The following SLC35F2 variants were observed in gnomAD, a reference collection of about 807,000 sequenced individuals.
The protein encoded by SLC35F2 is solute carrier family 35 member F2, also known as queuine/queuosine transporter SLC35F2.
A neutral mutation model predicts 38.1 loss-of-function variants in SLC35F2; 25 were observed. The observed-to-expected ratio is 0.66, with a 90% CI of 0.48 to 0.92. The LOEUF (loss-of-function observed/expected upper bound fraction) is 0.92, where lower values mean the gene tolerates loss of function less well. SLC35F2 is among the 40% of genes least tolerant of loss of function. SLC35F2 has a pLI of 0.00. For synonymous variants in SLC35F2, 173 were observed against 181.7 expected, an observed-to-expected ratio of 0.95 and a Z score of 0.38; for missense variants, 409 against 452.9, an observed-to-expected ratio of 0.90 and a Z score of 0.88.
intron 1 of SLC35F2, chr11:107,816,400 G>C: frequency 2.1e-6 from 1 of 479,346 alleles, no homozygotes; most frequent in Non-Finnish European, 2.7e-6. Flanking sequence ...TCCCACTTCA[G>C]CCTCCAAATA....
intron 1 of SLC35F2, among the ~76,000 whole-genome samples, chr11:107,840,288 T>G (rs779671704): frequency 6.6e-6 from 1 of 152,112 alleles, no homozygotes; most frequent in Non-Finnish European, 1.5e-5. Flanking sequence ...CAAGTCTGGA[T>G]TGCAAGAGAG....
chr11:107,800,852 G>C (rs1259002316), intron 7 of SLC35F2, among the ~76,000 whole-genome samples: 2 of 151,506 alleles, frequency 1.3e-5, no homozygotes, highest in African/African-American at 4.9e-5. Flanking sequence ...CAAAATCCTT[G>C]AGGGGACCTA....
At chr11:107,812,251 A>G (rs1457494919) in intron 2 of SLC35F2, among the ~76,000 whole-genome samples, 1 of 152,068 alleles carries the variant, frequency 6.6e-6, no homozygotes, top group African/African-American at 2.4e-5. Context: ...CATTCTTCAT[A>G]ACCCAAACTC....
At chr11:107,841,789 T>C (rs1472563259) in intron 1 of SLC35F2, among the ~76,000 whole-genome samples, 1 of 152,010 alleles carries the variant, frequency 6.6e-6, no homozygotes, top group Non-Finnish European at 1.5e-5. Flanking sequence ...CTAGCCAACA[T>C]GGCAAAACCC....
chr11:107,806,632 GTAAA>G, intron 4 of SLC35F2, 81 bp downstream of exon 4: 1 of 1,295,450 alleles, frequency 7.7e-7, no homozygotes, highest in Non-Finnish European at 1.1e-6. Flanking sequence ...AAATACTCCA[GTAAA>G]CAAGTTTCTT....
chr11:107,825,125 T>C lies in SLC35F2; in HGVS notation c.111-9160A>G, dbSNP rs535426824. ...GATGGAAATGTTTGAAAAGTAGTTC[T>C]TGAGCACTTCAAATGTGGCTAGTAT... On this transcript the variant is annotated intron_variant, in intron 1 of 7. Coordinates refer to ENST00000525815, the MANE Select transcript of SLC35F2 (RefSeq NM_017515.5). 3.9e-5 allele frequency among the ~76,000 whole-genome samples: 6 copies of C among 152,374 alleles called. No individual in the cohort carries two copies. In the South Asian group the frequency reaches 1.2e-3, roughly 32 times the overall value.
intron 1 of SLC35F2, chr11:107,823,912 T>C (rs868463626): frequency 2.6e-6 from 2 of 782,272 alleles, no homozygotes; most frequent in African/African-American, 2.7e-5. Flanking sequence ...CTGGGCGACA[T>C]AACAAGACAG....
intron 1 of SLC35F2, among the ~76,000 whole-genome samples, chr11:107,850,827 AAG>A (rs1208462418): frequency 6.6e-6 from 1 of 152,006 alleles, no homozygotes; most frequent in African/African-American, 2.4e-5. Context: ...AAAAAAAAAA[AAG>A]AATTAGTCAA....
intron 1 of SLC35F2, among the ~76,000 whole-genome samples, chr11:107,818,736 T>C (rs917070209): frequency 3.3e-5 from 5 of 152,364 alleles, no homozygotes; most frequent in African/African-American, 4.8e-5. Context: ...TATTGATCCA[T>C]TCCACTGTTG....
intron 1 of SLC35F2, among the ~76,000 whole-genome samples, chr11:107,841,858 T>A (rs1222144910): frequency 6.6e-6 from 1 of 151,210 alleles, no homozygotes; most frequent in African/African-American, 2.4e-5. Context: ...AGGTCAGGAG[T>A]TCGAAACCAG....
chr11:107,813,172 C>T (rs965184882), intron 2 of SLC35F2, among the ~76,000 whole-genome samples: 8 of 152,076 alleles, frequency 5.3e-5, no homozygotes, highest in African/African-American at 9.7e-5. Flanking sequence ...AGGCCGGGTG[C>T]GGTGGCTCAC....
chr11:107,842,257 C>CAAAAAAAAA (rs541185009), intron 1 of SLC35F2, among the ~76,000 whole-genome samples: 5,649 of 37,892 alleles, frequency 0.15, 1,906 homozygotes, highest in Middle Eastern at 0.29. Flanking sequence ...CTCCGTCTCA[C>CAAAAAAAAA]AAAAAAAAAA....
At chr11:107,850,546 G>A (rs1023434231) in intron 1 of SLC35F2, among the ~76,000 whole-genome samples, 25 of 152,234 alleles carry the variant, frequency 1.6e-4, no homozygotes, top group African/African-American at 5.1e-4. Context: ...TCAAGGCCGG[G>A]CACGGTGGCT....
At chr11:107,823,019 G>T in intron 1 of SLC35F2, 2 of 251,784 alleles carry the variant, frequency 7.9e-6, no homozygotes, top group Non-Finnish European at 1.3e-5. Context: ...ACAATGATGA[G>T]ATGCATTCAT....
At chr11:107,852,308 T>C (rs1860199640) in intron 1 of SLC35F2, among the ~76,000 whole-genome samples, 1 of 152,050 alleles carries the variant, frequency 6.6e-6, no homozygotes, top group African/African-American at 2.4e-5. Context: ...TCCCAACACT[T>C]TGGGAGGCCG....
intron 1 of SLC35F2, among the ~76,000 whole-genome samples, chr11:107,850,180 T>G (rs529019178): frequency 2.0e-5 from 3 of 152,206 alleles, no homozygotes; most frequent in Admixed American, 6.5e-5. Context: ...CCCCTCTACC[T>G]AGAGGGACTC....
chr11:107,815,274 G>A (rs1859550338), intron 2 of SLC35F2, among the ~76,000 whole-genome samples: 1 of 151,502 alleles, frequency 6.6e-6, no homozygotes, highest in Non-Finnish European at 1.5e-5. Context: ...TTTAGGTTGG[G>A]TCCAGTGGCT....
chr11:107,839,236 G>A (rs191038608), intron 1 of SLC35F2, among the ~76,000 whole-genome samples: 1 of 152,242 alleles, frequency 6.6e-6, no homozygotes, highest in Non-Finnish European at 1.5e-5. Flanking sequence ...CAAGATGTGG[G>A]GATCACTTGA....
rs547567291 is a variant in SLC35F2 at position 107,853,553 on chromosome 11, C to T, written c.110+5105G>A. On this transcript the variant is annotated intron_variant, in intron 1 of 7. Transcript: ENST00000525815. Reference sequence around the variant, plus strand: ...CTAACACAGTGAAACCCCGCCTCTACTAAAAATACAAAAAAAATTAGCCGG... The same window carrying T: ...CTAACACAGTGAAACCCCGCCTCTATTAAAAATACAAAAAAAATTAGCCGG... Among the ~76,000 whole-genome samples the T allele has an allele frequency of 1.1e-3, 160 of 148,888 alleles. 1 individual carries two copies. The highest frequency in any genetic ancestry group is 3.7e-4 in the Non-Finnish European group (25 of 67,026).
Sources: allele counts gnomAD v4.1 joint callset (sites outside exome capture counted in the v4.1 genomes callset), GRCh38; gene constraint gnomAD v4.1.1; transcripts MANE v1.5; gene names NCBI Gene and HGNC (gene_info 2026-07-23, HGNC 2026-07-21).